Variants in CYSTM1 observed in about 807,000 individuals in gnomAD.
CYSTM1 encodes cysteine rich transmembrane module containing 1.
A neutral mutation model predicts 13.1 loss-of-function variants in CYSTM1; 4 were observed. That is an observed-to-expected ratio of 0.31 (90% CI 0.15 to 0.70). The LOEUF is 0.70. Ranked by LOEUF, CYSTM1 falls within the 30% of genes least tolerant of loss-of-function variation. The pLI, the probability that CYSTM1 is intolerant of heterozygous loss-of-function variation, is 0.72. For missense variants in CYSTM1, 96 were observed against 121.6 expected (o/e 0.79, Z 0.99); for synonymous variants, 36 against 42.7 (o/e 0.84, Z 0.62).
chr5:140,178,078 C>G (rs1763913396), intron 1 of CYSTM1, among the ~76,000 whole-genome samples: 1 of 152,140 alleles, frequency 6.6e-6, no homozygotes, highest in African/African-American at 2.4e-5. Context: ...TCCCTAAATA[C>G]AAACTATAAT....
intron 1 of CYSTM1, among the ~76,000 whole-genome samples, chr5:140,194,122 CA>C (rs1764124296): frequency 6.6e-6 from 1 of 152,222 alleles, no homozygotes; most frequent in African/African-American, 2.4e-5. Context: ...TCTTGCTATT[CA>C]TTTAACACAT....
chr5:140,204,876 C>A (rs1764279344), intron 2 of CYSTM1, among the ~76,000 whole-genome samples: 1 of 152,188 alleles, frequency 6.6e-6, no homozygotes, highest in East Asian at 1.9e-4. Flanking sequence ...TGTTCAGTGT[C>A]TGGTGCCCTT....
intron 1 of CYSTM1, among the ~76,000 whole-genome samples, chr5:140,176,482 C>T (rs1010168917): frequency 1.3e-5 from 2 of 152,144 alleles, no homozygotes; most frequent in African/African-American, 4.8e-5. Context: ...AAAGGACCCA[C>T]CCAAGGGCAG....
chr5:140,236,536 A>G (rs1764683513), intron 2 of CYSTM1, among the ~76,000 whole-genome samples: 1 of 152,260 alleles, frequency 6.6e-6, no homozygotes, highest in African/African-American at 2.4e-5. Context: ...AAACGCCACG[A>G]TGAAACTTTC....
At chr5:140,211,973 T>G (rs1764373245) in intron 2 of CYSTM1, among the ~76,000 whole-genome samples, 1 of 152,108 alleles carries the variant, frequency 6.6e-6, no homozygotes, top group Non-Finnish European at 1.5e-5. Flanking sequence ...ATAAGTCCCT[T>G]CAGTAATTCA....
At chr5:140,233,298 G>A (rs1433418024) in intron 2 of CYSTM1, among the ~76,000 whole-genome samples, 1 of 152,154 alleles carries the variant, frequency 6.6e-6, no homozygotes, top group African/African-American at 2.4e-5. Flanking sequence ...ACAATCATCA[G>A]TGTGTTAACT....
intron 2 of CYSTM1, among the ~76,000 whole-genome samples, chr5:140,242,987 A>C (rs13163983): frequency 0.23 from 35,141 of 152,170 alleles, 4,092 homozygotes; most frequent in African/African-American, 0.25. Flanking sequence ...CCAGGGGGGA[A>C]GACATGCTAC....
chr5:140,179,492 G>A (rs1384185027), intron 1 of CYSTM1, among the ~76,000 whole-genome samples: 2 of 150,014 alleles, frequency 1.3e-5, no homozygotes, highest in East Asian at 2.0e-4. Flanking sequence ...CCCAGGAGGC[G>A]GAGGTTGCAA....
At chr5:140,177,898 A>C (rs912716471) in intron 1 of CYSTM1, among the ~76,000 whole-genome samples, 5 of 152,236 alleles carry the variant, frequency 3.3e-5, no homozygotes, top group African/African-American at 1.2e-4. Context: ...GGAAAGAAAC[A>C]GTCCACCCCC....
At chr5:140,183,939 T>G (rs1339703351) in intron 1 of CYSTM1, among the ~76,000 whole-genome samples, 1 of 152,214 alleles carries the variant, frequency 6.6e-6, no homozygotes, top group Non-Finnish European at 1.5e-5. Flanking sequence ...GTTAGATGGA[T>G]TGTTGGAAGC....
intron 2 of CYSTM1, among the ~76,000 whole-genome samples, chr5:140,209,857 G>A (rs1441701921): frequency 6.6e-6 from 1 of 152,176 alleles, no homozygotes; most frequent in Non-Finnish European, 1.5e-5. Flanking sequence ...ACCGCGCCTG[G>A]CTGTTTGCAC....
At position 140,243,351 on chromosome 5, in the gene CYSTM1, C is replaced by A; in HGVS notation, c.234C>A (p.Thr78=). ...GAAGAGATGAGCTAGGACCATCCACCTGCCTCACAGCCTGCTGGACGGCTC... is the reference window on the plus strand; with the variant it reads ...GAAGAGATGAGCTAGGACCATCCACATGCCTCACAGCCTGCTGGACGGCTC... The part of the protein sequence containing the change: ...DQRRDELGPS[T]CLTACWTALC... The change falls in exon 3 of 3, where the codon ACC becomes ACA. Residue 78 remains threonine (T), a synonymous_variant. Transcript: ENST00000261811. The A allele has an allele frequency of 6.2e-7, 1 of 1,614,178 alleles. No individual in the cohort carries two copies. The highest frequency in any genetic ancestry group is 8.5e-7 in the Non-Finnish European group (1 of 1,180,024).
intron 1 of CYSTM1, among the ~76,000 whole-genome samples, chr5:140,182,768 A>G (rs1373748660): frequency 1.3e-5 from 2 of 152,150 alleles, no homozygotes; most frequent in African/African-American, 4.8e-5. Flanking sequence ...CATTGTCCGT[A>G]AAGCCTATTC....
chr5:140,231,807 G>A (rs968933043), intron 2 of CYSTM1, among the ~76,000 whole-genome samples: 1 of 152,230 alleles, frequency 6.6e-6, no homozygotes, highest in Non-Finnish European at 1.5e-5. Flanking sequence ...GGGGACATTA[G>A]GAGCAGTTGA....
At chr5:140,217,993 C>T (rs1321519606) in intron 2 of CYSTM1, among the ~76,000 whole-genome samples, 2 of 152,062 alleles carry the variant, frequency 1.3e-5, no homozygotes, top group Admixed American at 6.6e-5. Context: ...TAAATAGGAC[C>T]ATTTCCATTT....
At chr5:140,206,937 A>G (rs1764306063) in intron 2 of CYSTM1, among the ~76,000 whole-genome samples, 1 of 152,166 alleles carries the variant, frequency 6.6e-6, no homozygotes, top group Non-Finnish European at 1.5e-5. Flanking sequence ...AGGCTGTCTC[A>G]GTTTATCTTC....
intron 1 of CYSTM1, among the ~76,000 whole-genome samples, chr5:140,193,440 G>A (rs747757059): frequency 1.2e-4 from 19 of 152,120 alleles, no homozygotes; most frequent in Non-Finnish European, 1.9e-4. Flanking sequence ...ATGCCACCAT[G>A]CCCGGCTAAT....
At chr5:140,243,231 C>T in intron 2 of CYSTM1, 74 bp from the exon 3 acceptor site, 2 of 1,234,602 alleles carry the variant, frequency 1.6e-6, no homozygotes, top group Admixed American at 3.5e-5. Flanking sequence ...TTCCTGTGGT[C>T]CTGGGAGGCT....
intron 2 of CYSTM1, chr5:140,200,255 T>C (rs939352308): frequency 6.6e-6 from 1 of 152,232 alleles, no homozygotes; most frequent in Non-Finnish European, 1.5e-5. Flanking sequence ...TGGTTTTAGG[T>C]CTTACGTTTA....
Sources: gnomAD v4.1 joint callset for allele counts (sites outside exome capture counted in the v4.1 genomes callset) on GRCh38, gnomAD v4.1.1 for gene constraint, MANE v1.5 for transcripts, NCBI Gene and HGNC (gene_info 2026-07-23, HGNC 2026-07-21) for gene names.